MBP: variants seen among roughly 807,000 people sequenced by gnomAD.
MBP encodes the protein myelin basic protein, also known as Golli-MBP.
MBP carries 16 observed loss-of-function variants against 35.8 expected under a neutral mutation model. The observed-to-expected ratio is 0.45, with a 90% CI of 0.30 to 0.68. The LOEUF (loss-of-function observed/expected upper bound fraction) is 0.68. Ranked by LOEUF, MBP falls within the 30% of genes least tolerant of loss-of-function variation. The pLI is 0.08. For synonymous variants in MBP, 143 were observed against 159.6 expected, an observed-to-expected ratio of 0.90 and a Z score of 0.78; for missense variants, 380 against 404.7, an observed-to-expected ratio of 0.94 and a Z score of 0.52.
rs367546437 is a variant in MBP at position 77,118,810 on chromosome 18, C to T, written c.-25-13524G>A. Among the ~76,000 whole-genome samples the T allele has an allele frequency of 2.1e-4, 31 of 149,790 alleles. 1 individual carries two copies. The highest frequency in any genetic ancestry group is 4.4e-4 in the African/African-American group (18 of 40,746). On this transcript the variant is annotated intron_variant, in intron 1 of 8. Transcript: ENST00000355994. ...CACTCCACACCCCCTACACACTATACGCACACCACACACACACTCCACAGA... is the reference window on the plus strand; with the variant it reads ...CACTCCACACCCCCTACACACTATATGCACACCACACACACACTCCACAGA...
intron 4 of MBP, among the ~76,000 whole-genome samples, chr18:77,009,187 G>A (rs1226909789): frequency 6.6e-6 from 1 of 152,148 alleles, no homozygotes; most frequent in African/African-American, 2.4e-5. Context: ...GCCAGCTCTG[G>A]GCTTGTCCCC....
In MBP at chr18:76,980,069, G is replaced by C. The variant is rs1344613436; in HGVS notation, c.*358C>G. 13 of 699,528 alleles carry C rather than the reference G, an allele frequency of 1.9e-5. No individual in the cohort carries two copies. The highest frequency in any genetic ancestry group is 1.6e-4 in the East Asian group (6 of 37,286). 43.3% of individuals were successfully genotyped at this position (699,528 alleles called of 1,614,324 possible). A position where few individuals can be genotyped will look rare whatever the true frequency, so the allele number is the denominator to read the frequency against. ...TGGCAGTGACCAGCAAAAGCGCAAGGGTGCCGCAGCCACGGCGAAAAGAAA... is the reference window on the plus strand; with the variant it reads ...TGGCAGTGACCAGCAAAAGCGCAAGCGTGCCGCAGCCACGGCGAAAAGAAA... On this transcript the variant is annotated 3_prime_UTR_variant, in exon 9 of 9. Transcript: ENST00000355994.
At chr18:77,035,618 G>A (rs1216467558) in intron 3 of MBP, among the ~76,000 whole-genome samples, 2 of 152,284 alleles carry the variant, frequency 1.3e-5, no homozygotes, top group East Asian at 1.9e-4. Flanking sequence ...TGCAGACGAC[G>A]CTAATGCAAT....
At chr18:77,099,646 G>A (rs549175327) in intron 2 of MBP, among the ~76,000 whole-genome samples, 8 of 152,320 alleles carry the variant, frequency 5.3e-5, no homozygotes, top group African/African-American at 1.2e-4. Context: ...ACCTGGCCTC[G>A]GGCAGGCCCG....
chr18:77,053,817 C>A (rs1261856044), intron 3 of MBP, among the ~76,000 whole-genome samples: 1 of 152,262 alleles, frequency 6.6e-6, no homozygotes, highest in Non-Finnish European at 1.5e-5. Context: ...ATGAGCCGGG[C>A]CTGCGTCTAG....
rs574108217 is a variant in MBP at position 77,110,542 on chromosome 18, C to G, written c.-25-5256G>C. Reference sequence around the variant, plus strand: ...TCCCCAGTCCCCCACCTTCCCTTCTCCATGTAGTGAGAGAACTGCCCCTCT... The same window carrying G: ...TCCCCAGTCCCCCACCTTCCCTTCTGCATGTAGTGAGAGAACTGCCCCTCT... On this transcript the variant is annotated intron_variant, in intron 1 of 8. Coordinates refer to ENST00000355994, the MANE Select transcript of MBP (RefSeq NM_001025101.2). The G allele has an allele frequency of 2.0e-5, 3 of 152,160 alleles. No individual in the cohort carries two copies. The East Asian group carries it at 5.8e-4, about 29-fold the overall frequency. The allele number at this position is 152,160 out of a possible 1,614,324, so 9.4% of individuals were successfully genotyped here.
intron 8 of MBP, chr18:76,981,457 T>C (rs1969195920): frequency 6.6e-6 from 1 of 152,218 alleles, no homozygotes; most frequent in African/African-American, 2.4e-5. Context: ...CCAAGAATCC[T>C]TCCAAGTAAC....
chr18:77,122,789 C>T (rs984700247), intron 1 of MBP, among the ~76,000 whole-genome samples: 2 of 152,134 alleles, frequency 1.3e-5, no homozygotes, highest in African/African-American at 2.4e-5. Context: ...TTGATCCTCC[C>T]GCCTCGGCCT....
At chr18:77,012,667 A>G (rs905096443) in intron 4 of MBP, 1 of 447,552 alleles carries the variant, frequency 2.2e-6, no homozygotes, top group Admixed American at 6.4e-5. Context: ...TCGGGTGCTC[A>G]CACTTACCTG....
At chr18:77,056,618 C>T (rs1973733573) in intron 3 of MBP, among the ~76,000 whole-genome samples, 1 of 152,214 alleles carries the variant, frequency 6.6e-6, no homozygotes, top group South Asian at 2.1e-4. Flanking sequence ...AGGACTCTCC[C>T]ACCAGCTCAC....
Position 77,131,214 on chromosome 18 carries a change from C to G in MBP, c.-26+1366G>C, listed in dbSNP as rs971388517. The stretch of plus-strand genomic sequence containing the variant: ...CCGTGACCACAGCCCCGGCCCCAAC[C>G]GCTAAGGAGGTGCTCATCACTGGAG... On this transcript the variant is annotated intron_variant, in intron 1 of 8. Coordinates refer to ENST00000355994, the MANE Select transcript of MBP (RefSeq NM_001025101.2). The surrounding 1 kb of genome is among the most constrained non-coding windows in gnomAD (Gnocchi z 5.5). 6.6e-6 allele frequency among the ~76,000 whole-genome samples: 1 copy of G among 152,096 alleles called. No individual in the cohort carries two copies. The highest frequency in any genetic ancestry group is 2.1e-4 in the South Asian group (1 of 4,828).
At chr18:77,023,294 T>C (rs776470117) in intron 3 of MBP, among the ~76,000 whole-genome samples, 2 of 152,218 alleles carry the variant, frequency 1.3e-5, no homozygotes, top group African/African-American at 2.4e-5. Flanking sequence ...CATCTTCCAC[T>C]GAGGTGGTGT....
rs1438966655 is a variant in MBP, at chr18:76,979,096, A to G, written c.*1331T>C. ...ACGAAACATTCAGAATTAGAATTGG[A>G]TTAAGAAGACGCGTTTTGGCATCAC... On this transcript the variant is annotated 3_prime_UTR_variant, in exon 9 of 9. Coordinates refer to ENST00000355994, the MANE Select transcript of MBP (RefSeq NM_001025101.2). 6.6e-6 allele frequency: 1 copy of G among 152,148 alleles called. No individual in the cohort carries two copies. The highest frequency in any genetic ancestry group is 2.4e-5 in the African/African-American group (1 of 41,440). 9.4% of individuals were successfully genotyped at this position (152,148 alleles called of 1,614,324 possible). A position where few individuals can be genotyped will look rare whatever the true frequency, so the allele number is the denominator to read the frequency against.
chr18:76,979,607 A>C lies in MBP; in HGVS notation c.*820T>G. ...GTGGTTTGGAAACGAGGTTGTTCATAGAGGCTGCTCTGGGGCCACCATGCA... is the reference window on the plus strand; with the variant it reads ...GTGGTTTGGAAACGAGGTTGTTCATCGAGGCTGCTCTGGGGCCACCATGCA... On this transcript the variant is annotated 3_prime_UTR_variant, in exon 9 of 9. Transcript: ENST00000355994. 3.3e-6 allele frequency: 1 copy of C among 299,230 alleles called. No homozygotes were observed. The allele number at this position is 299,230 out of a possible 1,614,324, so 18.5% of individuals were successfully genotyped here.
intron 1 of MBP, 47 bp from the exon 2 acceptor site, chr18:77,105,333 A>C (rs895758896): frequency 4.1e-6 from 5 of 1,211,296 alleles, no homozygotes; most frequent in Non-Finnish European, 6.1e-6. Context: ...GTGCTCTTAG[A>C]GTTTTCGATG....
chr18:77,021,257 G>A (rs1971974757), intron 3 of MBP, among the ~76,000 whole-genome samples: 3 of 152,108 alleles, frequency 2.0e-5, no homozygotes, highest in South Asian at 4.1e-4. Context: ...GGTGACCCCC[G>A]CTCTGGTGCA....
intron 4 of MBP, among the ~76,000 whole-genome samples, chr18:76,997,046 C>T (rs911145266): frequency 2.0e-5 from 3 of 152,154 alleles, no homozygotes; most frequent in Admixed American, 2.0e-4. Flanking sequence ...TTGCCTAGAG[C>T]GTCCTCCCCC....
At chr18:77,046,788 C>G (rs1973276112) in intron 3 of MBP, among the ~76,000 whole-genome samples, 2 of 152,226 alleles carry the variant, frequency 1.3e-5, no homozygotes, top group Non-Finnish European at 2.9e-5. Context: ...GGAGAGGGCT[C>G]TGGAAGACGG....
intron 4 of MBP, chr18:77,003,145 T>C (rs1970727390): frequency 6.6e-6 from 1 of 152,212 alleles, no homozygotes. Context: ...AAAGACGCAT[T>C]TCTATGTAAT....
Sources: gnomAD v4.1 joint callset for allele counts (sites outside exome capture counted in the v4.1 genomes callset) on GRCh38, gnomAD v4.1.1 for gene constraint, Gnocchi (gnomAD v3.1) non-coding constraint, MANE v1.5 for transcripts, NCBI Gene and HGNC (gene_info 2026-07-23, HGNC 2026-07-21) for gene names.